Variants in TRPM1 observed in about 807,000 individuals in gnomAD.
The protein encoded by TRPM1 is TRPM1-203 APA Isoform, Intron 10.
TRPM1 carries 113 observed loss-of-function variants against 149.4 expected under a neutral mutation model. The observed-to-expected ratio is 0.76, with a 90% CI of 0.65 to 0.88. The LOEUF (loss-of-function observed/expected upper bound fraction) is 0.88, where lower values mean the gene tolerates loss of function less well. TRPM1 is among the 40% of genes least tolerant of loss of function. The pLI, the probability that TRPM1 is intolerant of heterozygous loss-of-function variation, is 0.00. For synonymous variants in TRPM1, 741 were observed against 759.5 expected (o/e 0.98, Z 0.40); for missense variants, 1,976 against 2,038.7 (o/e 0.97, Z 0.59).
intron 1 of TRPM1, among the ~76,000 whole-genome samples, chr15:31,154,243 C>A (rs961755566): frequency 6.6e-6 from 1 of 152,182 alleles, no homozygotes; most frequent in Admixed American, 6.5e-5. Context: ...AAAAATTTAG[C>A]AAGACAGCAA....
chr15:31,064,239 C>T (rs1436459531), intron 7 of TRPM1, among the ~76,000 whole-genome samples: 3 of 152,204 alleles, frequency 2.0e-5, no homozygotes, highest in South Asian at 2.1e-4. Context: ...TTCTTGTTGA[C>T]GTTTCTGTCT....
At chr15:31,046,257 A>C in intron 15 of TRPM1, 24 bp from the exon 16 acceptor site, 1 of 1,612,546 alleles carries the variant, frequency 6.2e-7, no homozygotes, top group Non-Finnish European at 8.5e-7. Context: ...GAGGAAGAAA[A>C]AAAATCAATT....
intron 1 of TRPM1, among the ~76,000 whole-genome samples, chr15:31,130,436 G>A (rs141561992): frequency 1.3e-5 from 2 of 152,286 alleles, no homozygotes; most frequent in African/African-American, 4.8e-5. Flanking sequence ...AAACAAAGAT[G>A]ATAACAGCCC....
At position 31,101,703 on chromosome 15, in the gene TRPM1, C is replaced by G. The variant is rs901706842; in HGVS notation, c.-130G>C. 1.0e-6 allele frequency: 1 copy of G among 985,810 alleles called. No individual in the cohort carries two copies. The highest frequency in any genetic ancestry group is 1.7e-5 in the African/African-American group (1 of 57,278). The allele number at this position is 985,810 out of a possible 1,614,324, so 61.1% of individuals were successfully genotyped here. On this transcript the variant is annotated 5_prime_UTR_variant, in exon 1 of 28. Transcript: ENST00000256552. ...GAGGGCACAGCTCAGGCTCTTTCAG[C>G]CTCCTCCTTGGCCAGGGCAGGGAGC...
chr15:31,143,664 C>T (rs548152514), intron 1 of TRPM1, among the ~76,000 whole-genome samples: 3 of 152,188 alleles, frequency 2.0e-5, no homozygotes, highest in South Asian at 2.1e-4. Flanking sequence ...CCACCCACCT[C>T]GGCCTCCCAA....
At chr15:31,113,859 A>T (rs539698950) in intron 1 of TRPM1, among the ~76,000 whole-genome samples, 2 of 151,642 alleles carry the variant, frequency 1.3e-5, no homozygotes, top group African/African-American at 4.9e-5. Flanking sequence ...ACGCTCCCAC[A>T]CGCTGGAAGG....
At position 31,042,130 on chromosome 15, in the gene TRPM1, C is replaced by T. The variant is rs755012010; in HGVS notation, c.1908G>A (p.Glu636=). The stretch of plus-strand genomic sequence containing the variant: ...TCATCAGCACTGCCCACACCATCAG[C>T]TCGTGGAAGGGATACTGGAACCGAC... ...AVSRFQYPFH[E]LMVWAVLMKR... is the part of the protein sequence containing the mutation. Residue 636 remains glutamate (E), a synonymous_variant, in exon 17 of 28, where the codon GAG becomes GAA. Transcript: ENST00000256552. 1 of 1,614,228 alleles carries T rather than the reference C, an allele frequency of 6.2e-7. No individual in the cohort carries two copies. Among genetic ancestry groups the T allele is most frequent in the Middle Eastern group, 1.6e-4 (1 of 6,062 alleles).
intron 1 of TRPM1, chr15:31,160,821 G>C: frequency 6.9e-7 from 1 of 1,443,968 alleles, no homozygotes; most frequent in Non-Finnish European, 9.4e-7. Flanking sequence ...CGCTGGGCCA[G>C]CACTCTGAGA....
intron 1 of TRPM1, among the ~76,000 whole-genome samples, chr15:31,100,366 C>T (rs1469967099): frequency 2.0e-5 from 3 of 152,026 alleles, no homozygotes; most frequent in African/African-American, 7.2e-5. Context: ...TGAGCCATCG[C>T]GCCTGGCCCT....
intron 1 of TRPM1, among the ~76,000 whole-genome samples, chr15:31,088,833 C>T (rs767986831): frequency 1.3e-5 from 2 of 150,618 alleles, no homozygotes; most frequent in Non-Finnish European, 3.0e-5. Context: ...GCCTTTGTAC[C>T]GGGGCGATGC....
chr15:31,122,858 G>C (rs2035898905), intron 1 of TRPM1, among the ~76,000 whole-genome samples: 1 of 152,000 alleles, frequency 6.6e-6, no homozygotes, highest in South Asian at 2.1e-4. Context: ...TATACAGAAA[G>C]GTAAAAGACC....
chr15:31,095,978 GAA>G (rs1467508482), intron 1 of TRPM1, among the ~76,000 whole-genome samples: 2 of 151,646 alleles, frequency 1.3e-5, no homozygotes, highest in Admixed American at 1.3e-4. Flanking sequence ...CATGGGAGGT[GAA>G]GGTTGCAGTG....
At chr15:31,073,374 TA>T (rs2034608794) in intron 3 of TRPM1, among the ~76,000 whole-genome samples, 1 of 152,164 alleles carries the variant, frequency 6.6e-6, no homozygotes, top group Non-Finnish European at 1.5e-5. Context: ...ATGTCTATCC[TA>T]TGCCAGTATC....
intron 1 of TRPM1, among the ~76,000 whole-genome samples, chr15:31,129,398 T>C (rs1388170035): frequency 6.6e-6 from 1 of 152,200 alleles, no homozygotes; most frequent in African/African-American, 2.4e-5. Context: ...GTTACTTCTC[T>C]TGCAGCTCCG....
At chr15:31,049,158 G>T (rs2140939018) in intron 13 of TRPM1, among the ~76,000 whole-genome samples, 1 of 152,268 alleles carries the variant, frequency 6.6e-6, no homozygotes, top group Admixed American at 6.5e-5. Flanking sequence ...AGTTAATACT[G>T]CCTGAGAAAG....
chr15:31,070,058 C>A lies in TRPM1; in HGVS notation c.252G>T (p.Gln84His). The A allele has an allele frequency of 6.2e-7, 1 of 1,614,212 alleles. No homozygotes were observed. Among genetic ancestry groups the A allele is most frequent in the Non-Finnish European group, 8.5e-7 (1 of 1,180,038 alleles). Residue 84 changes from glutamine to histidine, a missense_variant, in exon 4 of 28, where the codon CAG (glutamine) becomes CAT (histidine). Physicochemically the swap from Gln to His is conservative, Grantham distance 24 (BLOSUM62 0). This residue lies in a region of TRPM1 where 1,332 missense variants were observed against 1,347.1 expected (regional missense o/e 0.99). Coordinates refer to ENST00000256552, the MANE Select transcript of TRPM1 (RefSeq NM_001252024.2). ...TGGCTTTATTGGAATATCCGCCACCCTGGAATTCAAGAACTCCATAGGAAT... is the reference window on the plus strand; with the variant it reads ...TGGCTTTATTGGAATATCCGCCACCATGGAATTCAAGAACTCCATAGGAAT... The part of the protein sequence containing the change: ...PTDSYGVLEF[Q>H]GGGYSNKAMY...
At chr15:31,085,905 C>A (rs1470118537) in intron 1 of TRPM1, among the ~76,000 whole-genome samples, 1 of 152,162 alleles carries the variant, frequency 6.6e-6, no homozygotes, top group Admixed American at 6.5e-5. Context: ...GGACCCGCAG[C>A]CACAGGCCTC....
In TRPM1 at chr15:31,083,327, C is replaced by T. The variant is rs1459808612; in HGVS notation, c.-83-1889G>A. The stretch of plus-strand genomic sequence containing the variant: ...GCCCACATATGGGCTTGGTTGGAAC[C>T]TTTTGTGAAAACTACATTTAGCTGC... On this transcript the variant is annotated intron_variant, in intron 1 of 27. Coordinates refer to ENST00000256552, the MANE Select transcript of TRPM1 (RefSeq NM_001252024.2). Among the ~76,000 whole-genome samples, 6 of 152,194 alleles carry T rather than the reference C, an allele frequency of 3.9e-5. No individual in the cohort carries two copies. In the South Asian group the frequency reaches 6.2e-4, roughly 16 times the overall value.
chr15:31,113,190 A>G (rs187496047), intron 1 of TRPM1, among the ~76,000 whole-genome samples: 2 of 152,178 alleles, frequency 1.3e-5, no homozygotes, highest in East Asian at 3.8e-4. Flanking sequence ...CACCTTCTCC[A>G]GCTGGTGAAT....
Sources: allele counts gnomAD v4.1 joint callset (sites outside exome capture counted in the v4.1 genomes callset), GRCh38; gene constraint gnomAD v4.1.1; regional missense constraint gnomAD v4.1.1; transcripts MANE v1.5; gene names NCBI Gene and HGNC (gene_info 2026-07-23, HGNC 2026-07-21).